Variants in UPP2 observed in about 807,000 individuals in gnomAD.
UPP2 encodes the protein UPase 2.
UPP2 carries 23 observed loss-of-function variants against 26.7 expected under a neutral mutation model. The observed-to-expected ratio is 0.86, with a 90% CI of 0.62 to 1.22. The LOEUF (loss-of-function observed/expected upper bound fraction) is 1.22, where lower values mean the gene tolerates loss of function less well. Among genes scored for constraint, UPP2 ranks in the 50% most tolerant of loss-of-function variants. The pLI is 0.00. For missense variants in UPP2, 387 were observed against 396.7 expected (o/e 0.98, Z 0.21); for synonymous variants, 127 against 141.3 (o/e 0.90, Z 0.72).
chr2:158,068,781 T>C (rs1574273078), intron 3 of UPP2, among the ~76,000 whole-genome samples: 1 of 10,136 alleles, frequency 9.9e-5, no homozygotes, highest in African/African-American at 3.8e-4. Flanking sequence ...TATATATATA[T>C]ATATATATAT....
At chr2:158,131,555 C>T (rs993569645) in intron 6 of UPP2, among the ~76,000 whole-genome samples, 1 of 152,100 alleles carries the variant, frequency 6.6e-6, no homozygotes, top group African/African-American at 2.4e-5. Context: ...TAAATGTTCC[C>T]AAAGGGTTGA....
intron 3 of UPP2, among the ~76,000 whole-genome samples, chr2:158,039,102 C>A (rs1203735670): frequency 6.6e-6 from 1 of 152,116 alleles, no homozygotes; most frequent in African/African-American, 2.4e-5. Context: ...CCGGCTATAG[C>A]AAAAATATTT....
intron 2 of UPP2, among the ~76,000 whole-genome samples, chr2:157,995,788 C>G (rs1254944372): frequency 6.6e-6 from 1 of 151,730 alleles, no homozygotes; most frequent in African/African-American, 2.4e-5. Context: ...TTTTTTCCTA[C>G]TTATACTGAG....
intron 1 of UPP2, 58 bp downstream of exon 1, chr2:158,102,183 G>A: frequency 6.3e-7 from 1 of 1,583,296 alleles, no homozygotes; most frequent in Non-Finnish European, 8.6e-7. Flanking sequence ...CTTGGATTTT[G>A]TATTAAATGA....
intron 3 of UPP2, among the ~76,000 whole-genome samples, chr2:158,077,781 T>A (rs1682654265): frequency 6.6e-6 from 1 of 152,008 alleles, no homozygotes; most frequent in Admixed American, 6.6e-5. Context: ...ACAAATGGGA[T>A]CACATCAAGT....
At chr2:158,071,693 T>C (rs1682543563) in intron 3 of UPP2, among the ~76,000 whole-genome samples, 1 of 151,454 alleles carries the variant, frequency 6.6e-6, no homozygotes, top group African/African-American at 2.4e-5. Context: ...GAGTTATGAG[T>C]CCCCCAGACA....
At chr2:158,022,738 G>A (rs1486325165) in intron 3 of UPP2, among the ~76,000 whole-genome samples, 1 of 152,152 alleles carries the variant, frequency 6.6e-6, no homozygotes, top group Non-Finnish European at 1.5e-5. Flanking sequence ...CTTGTGCAAA[G>A]AATAGGTATA....
chr2:158,092,197 TAGTG>T (rs1682922303), intron 3 of UPP2, among the ~76,000 whole-genome samples: 1 of 152,048 alleles, frequency 6.6e-6, no homozygotes, highest in South Asian at 2.1e-4. Context: ...CAGGAAGAAA[TAGTG>T]AGAATTTCCT....
At chr2:158,015,501 A>G (rs1683643884) in intron 2 of UPP2, among the ~76,000 whole-genome samples, 1 of 152,086 alleles carries the variant, frequency 6.6e-6, no homozygotes, top group Admixed American at 6.6e-5. Context: ...GGATATCTAG[A>G]TTGCTTCTAT....
intron 2 of UPP2, among the ~76,000 whole-genome samples, chr2:158,012,557 C>T (rs1028941260): frequency 5.9e-5 from 9 of 151,834 alleles, no homozygotes; most frequent in Admixed American, 1.3e-4. Flanking sequence ...TGTGAGCCAC[C>T]GTGCCTAGCT....
At chr2:158,105,207 T>C (rs1470653633) in intron 1 of UPP2, among the ~76,000 whole-genome samples, 1 of 152,088 alleles carries the variant, frequency 6.6e-6, no homozygotes, top group Non-Finnish European at 1.5e-5. Flanking sequence ...AAGCTACAAA[T>C]GATATGCTTC....
chr2:158,078,139 C>T (rs1682660039), intron 3 of UPP2, among the ~76,000 whole-genome samples: 1 of 151,926 alleles, frequency 6.6e-6, no homozygotes, highest in Non-Finnish European at 1.5e-5. Flanking sequence ...ATAACAAATG[C>T]TAGGAAGGAT....
At chr2:158,094,828 A>G (rs1478547919) in intron 3 of UPP2, among the ~76,000 whole-genome samples, 1 of 152,142 alleles carries the variant, frequency 6.6e-6, no homozygotes, top group East Asian at 1.9e-4. Flanking sequence ...TTCCCAGGAA[A>G]ATCACCCCCT....
rs1683735129 is a variant in UPP2, at chr2:158,128,250, A to G, written c.811+4355A>G. Among the ~76,000 whole-genome samples the G allele has an allele frequency of 2.0e-5, 3 of 152,216 alleles. No homozygotes were observed. In the South Asian group the frequency reaches 6.2e-4, roughly 31 times the overall value. The stretch of plus-strand genomic sequence containing the variant: ...ACACTGGTAACTTAGGGAAATATTT[A>G]GTCTTTATAATATTACCTTAGTACA... On this transcript the variant is annotated intron_variant, in intron 6 of 6. Transcript: ENST00000005756.
At chr2:158,034,573 G>A (rs1026901299) in intron 3 of UPP2, among the ~76,000 whole-genome samples, 10 of 152,196 alleles carry the variant, frequency 6.6e-5, no homozygotes, top group African/African-American at 2.2e-4. Flanking sequence ...CTTCCAAGAG[G>A]GGAGCTTGGG....
intron 1 of UPP2, 94 bp downstream of exon 1, chr2:158,102,219 G>A (rs1683091326): frequency 2.2e-6 from 3 of 1,344,446 alleles, no homozygotes; most frequent in Non-Finnish European, 3.0e-6. Flanking sequence ...CTACAGTTAA[G>A]CAAATTTCTT....
At chr2:158,069,425 T>A (rs1409563234) in intron 3 of UPP2, among the ~76,000 whole-genome samples, 1 of 152,202 alleles carries the variant, frequency 6.6e-6, no homozygotes, top group African/African-American at 2.4e-5. Flanking sequence ...GCTCCTGCAG[T>A]GTGGGCAGCT....
chr2:158,001,076 T>C (rs1199435496), intron 2 of UPP2, among the ~76,000 whole-genome samples: 3 of 152,214 alleles, frequency 2.0e-5, no homozygotes, highest in African/African-American at 4.8e-5. Context: ...CAAGAGTTGC[T>C]TGAATTCCTA....
chr2:158,082,274 T>C (rs13012457), intron 3 of UPP2, among the ~76,000 whole-genome samples: 8,468 of 152,226 alleles, frequency 0.056, 360 homozygotes, highest in East Asian at 0.14. Flanking sequence ...AGTTATTTAA[T>C]GGTGATTTGT....
Sources: allele counts gnomAD v4.1 joint callset (sites outside exome capture counted in the v4.1 genomes callset), GRCh38; gene constraint gnomAD v4.1.1; transcripts MANE v1.5; gene names NCBI Gene and HGNC (gene_info 2026-07-23, HGNC 2026-07-21).